ANKFN1: variants seen among roughly 807,000 people sequenced by gnomAD.
ANKFN1 encodes the protein ankyrin repeat and fibronectin type III domain containing 1, also known as ankyrin repeat and fibronectin type-III domain-containing protein 1.
A neutral mutation model predicts 108.7 loss-of-function variants in ANKFN1; 74 were observed. The observed-to-expected ratio is 0.68, with a 90% CI of 0.56 to 0.83. The LOEUF is 0.83. ANKFN1 is among the 40% of genes least tolerant of loss of function. The pLI, the probability that ANKFN1 is intolerant of heterozygous loss-of-function variation, is 0.00. For missense variants in ANKFN1, 1,505 were observed against 1,382.3 expected (o/e 1.09, Z -1.41); for synonymous variants, 547 against 516.2 (o/e 1.06, Z -0.81).
intron 2 of ANKFN1, among the ~76,000 whole-genome samples, chr17:56,225,248 G>A (rs145503279): frequency 0.014 from 2,173 of 152,202 alleles, 27 homozygotes; most frequent in Non-Finnish European, 0.022. Context: ...TCCTGCTCTA[G>A]CGTAAGAATA....
chr17:56,382,272 C>T (rs1310669373), intron 8 of ANKFN1, among the ~76,000 whole-genome samples: 2 of 152,162 alleles, frequency 1.3e-5, no homozygotes, highest in African/African-American at 4.8e-5. Flanking sequence ...TACAGACAAG[C>T]AAATGCTGAG....
chr17:56,374,775 A>C, intron 8 of ANKFN1, 61 bp downstream of exon 8: 9 of 1,311,226 alleles, frequency 6.9e-6, no homozygotes, highest in Non-Finnish European at 9.8e-6. Flanking sequence ...CTGTTTGAGA[A>C]TCAATAGTGC....
At chr17:56,228,067 C>T in intron 3 of ANKFN1, 110 bp downstream of exon 3, 1 of 827,614 alleles carries the variant, frequency 1.2e-6, no homozygotes, top group Non-Finnish European at 1.9e-6. Context: ...AAGTCTAGCT[C>T]AGCACACACA....
At chr17:56,057,332 G>A (rs1033684011) in intron 4 of ANKFN1, among the ~76,000 whole-genome samples, 2 of 152,042 alleles carry the variant, frequency 1.3e-5, no homozygotes, top group Non-Finnish European at 2.9e-5. Context: ...TGTTCTTAAT[G>A]GCATCTAGAA....
chr17:56,340,196 G>T (rs2045924572), intron 4 of ANKFN1, among the ~76,000 whole-genome samples: 1 of 152,070 alleles, frequency 6.6e-6, no homozygotes, highest in Admixed American at 6.6e-5. Context: ...TGTAGATGCT[G>T]GGTATTAGAC....
At chr17:56,245,263 C>T (rs968716632) in intron 3 of ANKFN1, among the ~76,000 whole-genome samples, 7 of 152,058 alleles carry the variant, frequency 4.6e-5, no homozygotes, top group Non-Finnish European at 1.0e-4. Flanking sequence ...AATTGATTCC[C>T]TGCCCTTTAT....
intron 1 of ANKFN1, among the ~76,000 whole-genome samples, chr17:56,163,086 C>A (rs1388345402): frequency 6.6e-6 from 1 of 151,626 alleles, no homozygotes; most frequent in East Asian, 1.9e-4. Flanking sequence ...TTAGTAAAGT[C>A]TACAGAGTTA....
intron 8 of ANKFN1, among the ~76,000 whole-genome samples, chr17:56,409,955 A>G (rs955447420): frequency 2.0e-5 from 3 of 152,142 alleles, no homozygotes; most frequent in African/African-American, 4.8e-5. Context: ...TTGATCCACC[A>G]TTACTTAATA....
chr17:56,178,852 T>C (rs1337613193), intron 1 of ANKFN1, among the ~76,000 whole-genome samples: 1 of 152,166 alleles, frequency 6.6e-6, no homozygotes, highest in African/African-American at 2.4e-5. Flanking sequence ...TATTTGAACA[T>C]GTTTCTTGAT....
chr17:56,245,170 G>C (rs908872987), intron 3 of ANKFN1, among the ~76,000 whole-genome samples: 1 of 152,154 alleles, frequency 6.6e-6, no homozygotes, highest in African/African-American at 2.4e-5. Context: ...AATCATGTGA[G>C]AAATGTTATA....
At chr17:56,098,198 G>C (rs982914104) in intron 4 of ANKFN1, among the ~76,000 whole-genome samples, 2 of 152,188 alleles carry the variant, frequency 1.3e-5, no homozygotes, top group African/African-American at 4.8e-5. Flanking sequence ...CCTAGAGAAG[G>C]AGGATGGCCC....
At chr17:56,483,610 G>A (rs1374691451) in intron 18 of ANKFN1, among the ~76,000 whole-genome samples, 2 of 152,222 alleles carry the variant, frequency 1.3e-5, no homozygotes, top group African/African-American at 2.4e-5. Flanking sequence ...CTCGTAGACT[G>A]GGACTTGAGA....
intron 1 of ANKFN1, among the ~76,000 whole-genome samples, chr17:56,170,101 C>T (rs1910514757): frequency 6.6e-6 from 1 of 152,206 alleles, no homozygotes; most frequent in Non-Finnish European, 1.5e-5. Flanking sequence ...GGGATTCATT[C>T]ACCTTCTTTG....
chr17:56,442,859 T>G lies in ANKFN1; in HGVS notation c.1025T>G (p.Val342Gly), dbSNP rs1283386151. The change falls in exon 10 of 21, where the codon GTT becomes GGT. Residue 342 changes from valine to glycine, a missense_variant. Physicochemically the swap from Val to Gly is moderately radical, Grantham distance 109. Transcript: ENST00000682825. ...TGLTMGQQYF[V>G]QVSAYNMKGW... ...ACTTTGCAGGGCCAACAGTATTTTG[T>G]TCAAGTCTCGGCTTACAATATGAAA... 3.1e-6 allele frequency: 5 copies of G among 1,613,666 alleles called. No individual in the cohort carries two copies. Among genetic ancestry groups the G allele is most frequent in the Non-Finnish European group, 4.2e-6 (5 of 1,179,758 alleles).
Position 56,326,338 on chromosome 17 carries a change from C to T in ANKFN1, c.171C>T (p.Ala57=), listed in dbSNP as rs1412886555. The change falls in exon 4 of 21, where the codon GCC becomes GCT. Residue 57 remains alanine (A), a synonymous_variant. Coordinates refer to ENST00000682825, the MANE Select transcript of ANKFN1 (RefSeq NM_001370326.1). ...TACCAACAACTTGTTCCTCTGCTGC[C>T]TCGAACAGCATAAACTGGTAAGTCA... ...GQLPTTCSSA[A]SNSINWNCRV... The T allele has an allele frequency of 6.2e-7, 1 of 1,613,072 alleles. No homozygotes were observed. Among genetic ancestry groups the T allele is most frequent in the South Asian group, 1.1e-5 (1 of 90,822 alleles).
In ANKFN1 at chr17:56,238,245, T is replaced by G. The variant is rs377665602; in HGVS notation, c.53+10288T>G. On this transcript the variant is annotated intron_variant, in intron 3 of 20. Coordinates refer to ENST00000682825, the MANE Select transcript of ANKFN1 (RefSeq NM_001370326.1). ...CATGTGGTAATGAGGAGAATGTATA[T>G]TCTGTTGTTGGGGACAGAGTTCTGT... Among the ~76,000 whole-genome samples the G allele has an allele frequency of 7.9e-5, 12 of 152,262 alleles. 2 individuals carry two copies. Among genetic ancestry groups the G allele is most frequent in the African/African-American group, 2.9e-4 (12 of 41,570 alleles).
At chr17:56,164,087 G>A in intron 1 of ANKFN1, among the ~76,000 whole-genome samples, 1 of 152,130 alleles carries the variant, frequency 6.6e-6, no homozygotes, top group East Asian at 1.9e-4. Context: ...GGCCTCTCAT[G>A]ATCTGTCTTC....
intron 1 of ANKFN1, among the ~76,000 whole-genome samples, chr17:56,205,846 T>C (rs753423308): frequency 2.0e-5 from 3 of 152,162 alleles, no homozygotes; most frequent in Non-Finnish European, 4.4e-5. Context: ...TCCTGAAATA[T>C]CAAGAAATGT....
intron 3 of ANKFN1, among the ~76,000 whole-genome samples, chr17:56,321,318 C>G (rs944885823): frequency 1.3e-5 from 2 of 151,790 alleles, no homozygotes; most frequent in Non-Finnish European, 2.9e-5. Context: ...GAATCGGAGC[C>G]GTTATTGAGC....
Sources: allele counts gnomAD v4.1 joint callset (sites outside exome capture counted in the v4.1 genomes callset), GRCh38; gene constraint gnomAD v4.1.1; transcripts MANE v1.5; gene names NCBI Gene and HGNC (gene_info 2026-07-23, HGNC 2026-07-21).